The following PLXDC1 variants were observed in gnomAD, a reference collection of about 807,000 sequenced individuals.
The protein encoded by PLXDC1 is plexin domain-containing protein 1.
A neutral mutation model predicts 61.3 loss-of-function variants in PLXDC1; 39 were observed. That is an observed-to-expected ratio of 0.64 (90% CI 0.49 to 0.83). PLXDC1 has a LOEUF of 0.83. PLXDC1 is among the 40% of genes least tolerant of loss of function. The pLI, the probability that PLXDC1 is intolerant of heterozygous loss-of-function variation, is 0.00. For missense variants in PLXDC1, 596 were observed against 666.5 expected, an observed-to-expected ratio of 0.89 and a Z score of 1.17; for synonymous variants, 212 against 254.5, an observed-to-expected ratio of 0.83 and a Z score of 1.59.
chr17:39,140,316 C>CTTTTTTTTT lies in PLXDC1; in HGVS notation c.77-485_77-484insAAAAAAAAA, dbSNP rs772766013. Among the ~76,000 whole-genome samples the CTTTTTTTTT allele has an allele frequency of 1.9e-3, 282 of 151,138 alleles. 1 individual carries two copies. The highest frequency in any genetic ancestry group is 6.5e-3 in the African/African-American group (268 of 41,088). ...GGGCATTCAATTTCTTTTTCTTTTT[C>CTTTTTTTTT]TTTTTTTGAAATGGAGTCTCGCTCT... On this transcript the variant is annotated intron_variant, in intron 1 of 13. Transcript: ENST00000315392.
intron 13 of PLXDC1, among the ~76,000 whole-genome samples, chr17:39,069,278 T>A (rs1156540709): frequency 1.3e-5 from 2 of 152,030 alleles, no homozygotes; most frequent in East Asian, 1.9e-4. Flanking sequence ...GCTAATTTTT[T>A]AAATTTTTGT....
chr17:39,147,871 GTC>G (rs2045352207), intron 1 of PLXDC1, among the ~76,000 whole-genome samples: 1 of 152,172 alleles, frequency 6.6e-6, no homozygotes, highest in Non-Finnish European at 1.5e-5. Context: ...CCCAGGAAGA[GTC>G]TAGTTTTCTT....
At chr17:39,070,764 G>A (rs12451442) in intron 12 of PLXDC1, among the ~76,000 whole-genome samples, 6,412 of 152,262 alleles carry the variant, frequency 0.042, 455 homozygotes, top group Admixed American at 0.2. Context: ...GGTCACCTGA[G>A]GTCAGGATTT....
At chr17:39,105,068 C>T (rs1033247242) in intron 7 of PLXDC1, among the ~76,000 whole-genome samples, 3 of 152,178 alleles carry the variant, frequency 2.0e-5, no homozygotes, top group African/African-American at 7.2e-5. Context: ...GAGAATGCCC[C>T]CAGGCCCCAT....
At chr17:39,088,431 G>C (rs1278396166) in intron 7 of PLXDC1, among the ~76,000 whole-genome samples, 1 of 152,188 alleles carries the variant, frequency 6.6e-6, no homozygotes, top group African/African-American at 2.4e-5. Context: ...CGACTTGCTG[G>C]ATAACCTCAG....
At chr17:39,079,389 C>A in intron 9 of PLXDC1, 1 of 592,546 alleles carries the variant, frequency 1.7e-6, no homozygotes. Context: ...GCCACATCTG[C>A]CCATGTGAGT....
chr17:39,139,571 T>C, intron 2 of PLXDC1, 83 bp downstream of exon 2: 2 of 1,300,946 alleles, frequency 1.5e-6, no homozygotes, highest in Admixed American at 2.0e-5. Flanking sequence ...GTGATTTGCA[T>C]GTAGGACAAG....
intron 2 of PLXDC1, among the ~76,000 whole-genome samples, chr17:39,116,112 C>T (rs746683131): frequency 6.6e-5 from 10 of 152,062 alleles, no homozygotes; most frequent in South Asian, 2.1e-4. Context: ...AGTGAGACTC[C>T]GTCTCAAAAA....
rs1045653746 is a variant in PLXDC1 at position 39,063,709 on chromosome 17, G to T, written c.*4131C>A. 2 of 524,262 alleles carry T rather than the reference G, an allele frequency of 3.8e-6. No homozygotes were observed. The highest frequency in any genetic ancestry group is 3.9e-5 in the African/African-American group (2 of 51,770). The allele number at this position is 524,262 out of a possible 1,614,324, so 32.5% of individuals were successfully genotyped here. On this transcript the variant is annotated 3_prime_UTR_variant, in exon 14 of 14. Transcript: ENST00000315392. Reference sequence around the variant, plus strand: ...TACATTGTGTTTTAGAAGGCTGGGTGCCCTCAGTCCCCAGATCTTTGAATT... The same window carrying T: ...TACATTGTGTTTTAGAAGGCTGGGTTCCCTCAGTCCCCAGATCTTTGAATT...
chr17:39,141,193 C>T (rs1033961677), intron 1 of PLXDC1, among the ~76,000 whole-genome samples: 11 of 152,148 alleles, frequency 7.2e-5, no homozygotes, highest in African/African-American at 2.2e-4. Flanking sequence ...CCATGCCCAG[C>T]TAATCTTTTT....
At chr17:39,072,587 T>G (rs1909166280) in intron 11 of PLXDC1, 102 bp from the exon 12 acceptor site, 1 of 789,698 alleles carries the variant, frequency 1.3e-6, no homozygotes, top group African/African-American at 1.7e-5. Flanking sequence ...ACTTTCATTT[T>G]AGAGGTAAGG....
rs577881735 is a variant in PLXDC1, at chr17:39,139,302, G to A, written c.255+352C>T. 1.9e-3 allele frequency among the ~76,000 whole-genome samples: 284 copies of A among 152,298 alleles called. 2 individuals carry two copies. The highest frequency in any genetic ancestry group is 3.3e-3 in the Non-Finnish European group (225 of 68,016). On this transcript the variant is annotated intron_variant, in intron 2 of 13. Transcript: ENST00000315392. ...AATGGGGTGGGGAAGGGCCCCATCT[G>A]GCAGCTGAGATGTGACTCATAAGGC...
chr17:39,102,111 A>T (rs1167258407), intron 7 of PLXDC1, among the ~76,000 whole-genome samples: 2 of 152,158 alleles, frequency 1.3e-5, no homozygotes, highest in African/African-American at 4.8e-5. Context: ...CCACCCACAG[A>T]TCTGCCCAGA....
At chr17:39,081,872 G>T (rs980437522) in intron 9 of PLXDC1, among the ~76,000 whole-genome samples, 4 of 152,042 alleles carry the variant, frequency 2.6e-5, no homozygotes, top group Non-Finnish European at 4.4e-5. Flanking sequence ...GAGCCAGGAG[G>T]TTGAGGCCAC....
chr17:39,109,515 C>T (rs1910721517), intron 2 of PLXDC1, 124 bp from the exon 3 acceptor site: 5 of 1,202,768 alleles, frequency 4.2e-6, no homozygotes, highest in East Asian at 2.6e-5. Context: ...GGGTGCTGGA[C>T]CTGTGGCCCC....
intron 13 of PLXDC1, 106 bp from the exon 14 acceptor site, chr17:39,068,065 T>C: frequency 4.0e-6 from 4 of 998,586 alleles, no homozygotes; most frequent in Non-Finnish European, 4.4e-6. Context: ...ATAAGGGCCC[T>C]GGGGCACTTG....
Position 39,067,683 on chromosome 17 carries a change from G to T in PLXDC1, c.*157C>A, listed in dbSNP as rs1320051762. Reference sequence around the variant, plus strand: ...TTTGGCCCCCTCTTCAATATTCGGGGTGTGCTGACGAAGCGAGCAGCAGCT... The same window carrying T: ...TTTGGCCCCCTCTTCAATATTCGGGTTGTGCTGACGAAGCGAGCAGCAGCT... On this transcript the variant is annotated 3_prime_UTR_variant, in exon 14 of 14. Coordinates refer to ENST00000315392, the MANE Select transcript of PLXDC1 (RefSeq NM_020405.5). 3 of 659,378 alleles carry T rather than the reference G, an allele frequency of 4.5e-6. No homozygotes were observed. Among genetic ancestry groups the T allele is most frequent in the Non-Finnish European group, 7.7e-6 (3 of 388,972 alleles). 40.8% of individuals were successfully genotyped at this position (659,378 alleles called of 1,614,324 possible).
chr17:39,139,876 G>A, intron 1 of PLXDC1, 44 bp from the exon 2 acceptor site: 4 of 1,547,254 alleles, frequency 2.6e-6, no homozygotes, highest in South Asian at 1.2e-5. Flanking sequence ...AGTCCGGAAT[G>A]AAGATCAGGA....
rs1279222196 is a variant in PLXDC1, at chr17:39,107,528, G to C, written c.593-3C>G. On this transcript the variant is annotated splice_polypyrimidine_tract_variant and splice_region_variant and intron_variant, in intron 5 of 13. Coordinates refer to ENST00000315392, the MANE Select transcript of PLXDC1 (RefSeq NM_020405.5). ...CCACTGAACCACAAAGACTGTCCCT[G>C]GGGAGAAGAACAGAGACCCGGCTGG... 5 of 1,602,280 alleles carry C rather than the reference G, an allele frequency of 3.1e-6. No individual in the cohort carries two copies. Among genetic ancestry groups the C allele is most frequent in the Non-Finnish European group, 4.3e-6 (5 of 1,169,192 alleles).
Sources: gnomAD v4.1 joint callset for allele counts (sites outside exome capture counted in the v4.1 genomes callset) on GRCh38, gnomAD v4.1.1 for gene constraint, MANE v1.5 for transcripts, NCBI Gene and HGNC (gene_info 2026-07-23, HGNC 2026-07-21) for gene names.